The following IMMP2L variants were observed in gnomAD, a reference collection of about 807,000 sequenced individuals.
IMMP2L encodes the protein inner mitochondrial membrane peptidase subunit 2.
In IMMP2L, 18 loss-of-function variants were observed where a neutral mutation model predicts 19.3. The ratio of observed to expected loss-of-function variants is 0.93; its 90% confidence interval spans 0.64 to 1.38. IMMP2L has a LOEUF of 1.38. IMMP2L is among the 40% of genes most tolerant of loss of function. The pLI is 0.00. For synonymous variants in IMMP2L, 76 were observed against 73.0 expected (o/e 1.04, Z -0.21); for missense variants, 233 against 218.2 (o/e 1.07, Z -0.43).
intron 4 of IMMP2L, among the ~76,000 whole-genome samples, chr7:110,888,688 T>C (rs904122730): frequency 6.6e-6 from 1 of 152,188 alleles, no homozygotes; most frequent in African/African-American, 2.4e-5. Context: ...GCACTGACCG[T>C]CTTATCTGAA....
intron 3 of IMMP2L, among the ~76,000 whole-genome samples, chr7:111,284,030 A>G (rs565213217): frequency 1.1e-4 from 17 of 151,202 alleles, no homozygotes; most frequent in African/African-American, 2.9e-4. Context: ...ATCATATTCT[A>G]TGTCACAGTA....
At chr7:110,894,777 CA>C (rs1239355679) in intron 4 of IMMP2L, among the ~76,000 whole-genome samples, 2 of 151,998 alleles carry the variant, frequency 1.3e-5, no homozygotes, top group East Asian at 3.9e-4. Flanking sequence ...TTGCTTAACC[CA>C]AAAATCACAA....
At chr7:111,251,881 A>G (rs1001442325) in intron 3 of IMMP2L, among the ~76,000 whole-genome samples, 1 of 152,040 alleles carries the variant, frequency 6.6e-6, no homozygotes, top group African/African-American at 2.4e-5. Flanking sequence ...CCCCAGAACT[A>G]AAAATAAAAG....
chr7:111,469,904 C>G (rs189443998), intron 3 of IMMP2L, among the ~76,000 whole-genome samples: 3,390 of 152,136 alleles, frequency 0.022, 65 homozygotes, highest in Non-Finnish European at 0.033. Context: ...AGCTTCTGCA[C>G]AGCAAAAGAA....
intron 3 of IMMP2L, among the ~76,000 whole-genome samples, chr7:111,450,890 G>C (rs1425327845): frequency 6.6e-6 from 1 of 151,470 alleles, no homozygotes; most frequent in Non-Finnish European, 1.5e-5. Flanking sequence ...CCATCAAAAA[G>C]TGGGCGAGGG....
intron 3 of IMMP2L, among the ~76,000 whole-genome samples, chr7:111,447,490 T>C (rs1161622443): frequency 6.8e-6 from 1 of 147,006 alleles, no homozygotes; most frequent in African/African-American, 2.5e-5. Flanking sequence ...TAAAATACTT[T>C]ACAGACAAGC....
At chr7:111,549,093 A>G (rs1023458155) in intron 1 of IMMP2L, among the ~76,000 whole-genome samples, 74 of 152,298 alleles carry the variant, frequency 4.9e-4, no homozygotes, top group African/African-American at 1.7e-3. Context: ...CAAAAAATAC[A>G]GTCATTTTTT....
intron 4 of IMMP2L, among the ~76,000 whole-genome samples, chr7:110,959,511 A>C (rs1376008741): frequency 6.6e-6 from 1 of 151,994 alleles, no homozygotes; most frequent in Non-Finnish European, 1.5e-5. Context: ...AATCATTATC[A>C]GACTGTATGT....
At chr7:110,684,712 A>C (rs886172591) in intron 5 of IMMP2L, among the ~76,000 whole-genome samples, 1 of 152,004 alleles carries the variant, frequency 6.6e-6, no homozygotes, top group Non-Finnish European at 1.5e-5. Flanking sequence ...CTGATGATGA[A>C]GGTTTCACTT....
At chr7:111,048,561 T>C (rs759251720) in intron 3 of IMMP2L, among the ~76,000 whole-genome samples, 1 of 152,172 alleles carries the variant, frequency 6.6e-6, no homozygotes, top group Non-Finnish European at 1.5e-5. Flanking sequence ...CTGGTTATTG[T>C]TAGATGCTAT....
Position 111,485,617 on chromosome 7 carries a change from A to AAAAAAAAAAC in IMMP2L, c.239+1620_239+1621insGTTTTTTTTT, listed in dbSNP as rs1563252461. Among the ~76,000 whole-genome samples the AAAAAAAAAAC allele has an allele frequency of 4.1e-4, 60 of 147,146 alleles. 2 individuals are homozygous for AAAAAAAAAAC. Among genetic ancestry groups the AAAAAAAAAAC allele is most frequent in the African/African-American group, 1.5e-3 (57 of 38,142 alleles). ...TGTTTCAAAAAAAAAAAAAAAAAAAAAAAAAAAACACAGTTCAACTGGAAT... is the reference window on the plus strand; with the variant it reads ...TGTTTCAAAAAAAAAAAAAAAAAAAAAAAAAAAAACAAAAAAAACACAGTTCAACTGGAAT... On this transcript the variant is annotated intron_variant, in intron 3 of 5. Coordinates refer to ENST00000405709, the MANE Select transcript of IMMP2L (RefSeq NM_032549.4).
intron 4 of IMMP2L, among the ~76,000 whole-genome samples, chr7:110,892,686 T>C (rs756334290): frequency 6.6e-6 from 1 of 152,094 alleles, no homozygotes; most frequent in South Asian, 2.1e-4. Context: ...AACCTCAAAT[T>C]CTGAAAAGCT....
intron 3 of IMMP2L, among the ~76,000 whole-genome samples, chr7:111,232,859 C>T (rs1813864091): frequency 6.6e-6 from 1 of 152,082 alleles, no homozygotes; most frequent in Non-Finnish European, 1.5e-5. Context: ...CAATTCTGAA[C>T]ATTTACCCAT....
At chr7:111,346,081 T>C (rs1037527270) in intron 3 of IMMP2L, among the ~76,000 whole-genome samples, 1 of 152,162 alleles carries the variant, frequency 6.6e-6, no homozygotes, top group African/African-American at 2.4e-5. Flanking sequence ...AAATATGTTG[T>C]CATTGCTATA....
At chr7:111,118,362 T>C (rs1260561390) in intron 3 of IMMP2L, among the ~76,000 whole-genome samples, 2 of 152,132 alleles carry the variant, frequency 1.3e-5, no homozygotes, top group Non-Finnish European at 2.9e-5. Flanking sequence ...TAAAAGCTTC[T>C]ACATATAATT....
At chr7:111,470,640 C>A (rs1454849672) in intron 3 of IMMP2L, among the ~76,000 whole-genome samples, 1 of 146,334 alleles carries the variant, frequency 6.8e-6, no homozygotes, top group Non-Finnish European at 1.5e-5. Context: ...AACCAAACAC[C>A]GCATGTTCTC....
intron 3 of IMMP2L, among the ~76,000 whole-genome samples, chr7:111,029,189 A>G (rs1827155427): frequency 6.6e-6 from 1 of 152,160 alleles, no homozygotes; most frequent in African/African-American, 2.4e-5. Flanking sequence ...ATTTCCATAA[A>G]CCACTGCATA....
At chr7:111,282,739 A>G (rs1820036572) in intron 3 of IMMP2L, among the ~76,000 whole-genome samples, 3 of 152,112 alleles carry the variant, frequency 2.0e-5, no homozygotes, top group African/African-American at 4.8e-5. Context: ...GTGAGCCACA[A>G]TGCTAAGCTA....
At position 111,211,229 on chromosome 7, in the gene IMMP2L, A is replaced by G. The variant is rs114421134; in HGVS notation, c.240-247664T>C. 8.8e-3 allele frequency among the ~76,000 whole-genome samples: 1,337 copies of G among 152,316 alleles called. 24 individuals carry two copies. The highest frequency in any genetic ancestry group is 0.031 in the African/African-American group (1,268 of 41,570). ...TGTGAATGCCTTTCAGATAGGCCCC[A>G]AAACATAAATTGGATTTTCACCAAA... On this transcript the variant is annotated intron_variant, in intron 3 of 5. Coordinates refer to ENST00000405709, the MANE Select transcript of IMMP2L (RefSeq NM_032549.4).
Sources: allele counts gnomAD v4.1 joint callset (sites outside exome capture counted in the v4.1 genomes callset), GRCh38; gene constraint gnomAD v4.1.1; transcripts MANE v1.5; gene names NCBI Gene and HGNC (gene_info 2026-07-23, HGNC 2026-07-21).